CWC27: variants seen among roughly 807,000 people sequenced by gnomAD.
The protein encoded by CWC27 is CWC27 spliceosome associated cyclophilin.
CWC27 carries 47 observed loss-of-function variants against 63.6 expected under a neutral mutation model. The ratio of observed to expected loss-of-function variants is 0.74; its 90% CI spans 0.58 to 0.94. The LOEUF (loss-of-function observed/expected upper bound fraction) is 0.94, where lower values mean the gene tolerates loss of function less well. Among genes scored for constraint, CWC27 ranks in the 40% least tolerant of loss-of-function variants. CWC27 has a pLI of 0.00. For synonymous variants in CWC27, 175 were observed against 179.8 expected (o/e 0.97, Z 0.22); for missense variants, 495 against 554.3 (o/e 0.89, Z 1.07).
At chr5:64,923,413 G>C (rs1054638050) in intron 11 of CWC27, among the ~76,000 whole-genome samples, 1 of 151,200 alleles carries the variant, frequency 6.6e-6, no homozygotes, top group Non-Finnish European at 1.5e-5. Flanking sequence ...CCCTTCCTTA[G>C]GAGCCATTAA....
intron 1 of CWC27, among the ~76,000 whole-genome samples, chr5:64,771,913 G>A (rs1743270691): frequency 6.6e-6 from 1 of 152,134 alleles, no homozygotes; most frequent in African/African-American, 2.4e-5. Context: ...TTTACTAGGT[G>A]TAAGTTGCCT....
intron 10 of CWC27, among the ~76,000 whole-genome samples, chr5:64,828,815 G>T (rs1052156540): frequency 5.3e-5 from 8 of 152,142 alleles, no homozygotes; most frequent in Admixed American, 5.2e-4. Flanking sequence ...CCACTCACCA[G>T]TTTACAACAA....
At chr5:64,987,060 TGTTTA>T (rs1749448383) in intron 13 of CWC27, among the ~76,000 whole-genome samples, 1 of 151,886 alleles carries the variant, frequency 6.6e-6, no homozygotes. Context: ...TGTTTTGTTT[TGTTTA>T]TTTTTATTTT....
intron 13 of CWC27, among the ~76,000 whole-genome samples, chr5:64,982,396 T>G (rs1749345149): frequency 6.6e-6 from 1 of 151,950 alleles, no homozygotes; most frequent in African/African-American, 2.4e-5. Context: ...CAGTCAAAGC[T>G]CACTCCAGCC....
chr5:64,889,831 T>C (rs1197457529), intron 11 of CWC27, among the ~76,000 whole-genome samples: 1 of 152,142 alleles, frequency 6.6e-6, no homozygotes, highest in Non-Finnish European at 1.5e-5. Flanking sequence ...TTTAGTCCCA[T>C]TGTAAATCAT....
At chr5:64,942,946 C>G (rs1748515217) in intron 11 of CWC27, among the ~76,000 whole-genome samples, 1 of 151,878 alleles carries the variant, frequency 6.6e-6, no homozygotes. Context: ...AAAAATGATT[C>G]CAGAAGAAAA....
At position 64,774,800 on chromosome 5, in the gene CWC27, T is replaced by C. The variant is rs1267513694; in HGVS notation, c.139+13T>C. 4.2e-6 allele frequency: 6 copies of C among 1,439,810 alleles called. No individual in the cohort carries two copies. The highest frequency in any genetic ancestry group is 5.8e-6 in the Non-Finnish European group (6 of 1,036,976). 89.2% of individuals were successfully genotyped at this position (1,439,810 alleles called of 1,614,324 possible). ...CTTTGTTTGGAAGGTATGTTGACTT[T>C]TATTCTACTGGAGAAATTCTTGTTA... On this transcript the variant is annotated intron_variant, in intron 2 of 13. Coordinates refer to ENST00000381070, the MANE Select transcript of CWC27 (RefSeq NM_005869.4).
Position 65,018,425 on chromosome 5 carries a change from T to C in CWC27, c.*104T>C. ...CACTTAGGGGTGTGAAAAGAAGTAT[T>C]TTTGAACCTGTTGTCTGGTTTTGAA... is the stretch of plus-strand genomic sequence containing the variant. On this transcript the variant is annotated 3_prime_UTR_variant, in exon 14 of 14. Transcript: ENST00000381070. 5.1e-6 allele frequency: 5 copies of C among 978,216 alleles called. No homozygotes were observed. Among genetic ancestry groups the C allele is most frequent in the Non-Finnish European group, 7.2e-6 (5 of 694,166 alleles). The allele number at this position is 978,216 out of a possible 1,614,324, so 60.6% of individuals were successfully genotyped here.
intron 13 of CWC27, among the ~76,000 whole-genome samples, chr5:64,989,445 T>C (rs1328356388): frequency 6.6e-6 from 1 of 152,260 alleles, no homozygotes; most frequent in Non-Finnish European, 1.5e-5. Context: ...TAAAAAAAGA[T>C]TTCTTAATAG....
intron 11 of CWC27, among the ~76,000 whole-genome samples, chr5:64,968,131 C>G (rs2112439359): frequency 6.6e-6 from 1 of 151,962 alleles, no homozygotes; most frequent in African/African-American, 2.4e-5. Context: ...CCAACAAGCA[C>G]ATAAAAAATG....
rs1222140018 is a variant in CWC27, at chr5:64,907,560, T to G, written c.1042+22014T>G. On this transcript the variant is annotated intron_variant, in intron 11 of 13. Coordinates refer to ENST00000381070, the MANE Select transcript of CWC27 (RefSeq NM_005869.4). Reference sequence around the variant, plus strand: ...GTTGCTTATCAGCTTAAGGAGATTGTGGGCTGAGACACTGGGGTTTTCCAA... The same window carrying G: ...GTTGCTTATCAGCTTAAGGAGATTGGGGGCTGAGACACTGGGGTTTTCCAA... Among the ~76,000 whole-genome samples the G allele has an allele frequency of 4.6e-5, 7 of 152,220 alleles. No individual in the cohort carries two copies. The East Asian group carries it at 1.3e-3, about 29-fold the overall frequency.
chr5:64,817,316 G>A (rs1302376749), intron 10 of CWC27, among the ~76,000 whole-genome samples: 3 of 151,934 alleles, frequency 2.0e-5, no homozygotes, highest in South Asian at 2.1e-4. Context: ...AAAACAATTT[G>A]CCTCTATTCT....
chr5:64,836,999 A>G (rs748553837), intron 10 of CWC27, among the ~76,000 whole-genome samples: 4 of 152,076 alleles, frequency 2.6e-5, no homozygotes, highest in Non-Finnish European at 4.4e-5. Flanking sequence ...AAAAGTTTCA[A>G]AAGGATGGCT....
chr5:64,954,171 G>A (rs188177056), intron 11 of CWC27, among the ~76,000 whole-genome samples: 66 of 152,240 alleles, frequency 4.3e-4, no homozygotes, highest in African/African-American at 1.5e-3. Context: ...CTCAGTCAGA[G>A]TTCACAGACA....
intron 10 of CWC27, among the ~76,000 whole-genome samples, chr5:64,870,328 A>T (rs927215521): frequency 1.2e-4 from 19 of 152,138 alleles, no homozygotes; most frequent in Non-Finnish European, 5.9e-5. Context: ...GGTAAAATTT[A>T]TTCTGCAAAA....
At chr5:64,777,396 T>C (rs183919382) in intron 2 of CWC27, among the ~76,000 whole-genome samples, 1 of 152,218 alleles carries the variant, frequency 6.6e-6, no homozygotes, top group Non-Finnish European at 1.5e-5. Flanking sequence ...AGATGAGTGT[T>C]AGATAAAAAG....
intron 13 of CWC27, among the ~76,000 whole-genome samples, chr5:64,991,932 C>A (rs1163069867): frequency 2.6e-5 from 4 of 152,074 alleles, no homozygotes; most frequent in Non-Finnish European, 4.4e-5. Flanking sequence ...ATCAGTTAGT[C>A]AGATTAGTTA....
intron 11 of CWC27, among the ~76,000 whole-genome samples, chr5:64,900,012 G>A (rs1747464508): frequency 6.6e-6 from 1 of 152,090 alleles, no homozygotes; most frequent in African/African-American, 2.4e-5. Context: ...TTATTGCTAA[G>A]TAGTATTCCA....
intron 13 of CWC27, among the ~76,000 whole-genome samples, chr5:64,991,054 G>A (rs1017888538): frequency 1.3e-5 from 2 of 152,188 alleles, no homozygotes; most frequent in Non-Finnish European, 2.9e-5. Flanking sequence ...TCCCAAGTGA[G>A]ATAAGATATC....
Sources: allele counts gnomAD v4.1 joint callset (sites outside exome capture counted in the v4.1 genomes callset), GRCh38; gene constraint gnomAD v4.1.1; transcripts MANE v1.5; gene names NCBI Gene and HGNC (gene_info 2026-07-23, HGNC 2026-07-21).